Variants in NHS observed in about 807,000 individuals in gnomAD.
The protein encoded by NHS is NHS actin remodeling regulator.
A neutral mutation model predicts 72.5 loss-of-function variants in NHS; 5 were observed. The observed-to-expected ratio is 0.07, with a 90% CI of 0.04 to 0.14. NHS has a LOEUF of 0.14. Among genes scored for constraint, NHS ranks in the 10% least tolerant of loss-of-function variants. The pLI, the probability that NHS is intolerant of heterozygous loss-of-function variation, is 1.00. For synonymous variants in NHS, 464 were observed against 547.7 expected, an observed-to-expected ratio of 0.85 and a Z score of 2.13; for missense variants, 1,072 against 1,355.7, an observed-to-expected ratio of 0.79 and a Z score of 3.29.
chrX:17,675,606 A>G (rs2066074752), intron 1 of NHS, among the ~76,000 whole-genome samples: 1 of 111,646 alleles, frequency 9.0e-6, no homozygotes, highest in African/African-American at 3.3e-5. Context: ...TGCAAGATGA[A>G]CGTAGGACAC....
At chrX:17,518,515 C>G (rs1450675845) in intron 1 of NHS, among the ~76,000 whole-genome samples, 2 of 111,646 alleles carry the variant, frequency 1.8e-5, no homozygotes, top group African/African-American at 6.5e-5. Context: ...CTGAACACAC[C>G]AAGCAAGAGC....
chrX:17,437,944 G>C (rs1379097716), intron 1 of NHS, among the ~76,000 whole-genome samples: 1 of 111,984 alleles, frequency 8.9e-6, no homozygotes, highest in South Asian at 3.8e-4. Context: ...GCAAACGAGC[G>C]AGCTAGTGGT....
intron 3 of NHS, among the ~76,000 whole-genome samples, chrX:17,703,943 C>T (rs915500444): frequency 8.9e-6 from 1 of 111,748 alleles, no homozygotes; most frequent in African/African-American, 3.3e-5. Flanking sequence ...ATTGTGGTGG[C>T]AATGGTGTCC....
intron 1 of NHS, among the ~76,000 whole-genome samples, chrX:17,666,119 T>G (rs2066011550): frequency 1.8e-5 from 2 of 111,872 alleles, no homozygotes; most frequent in East Asian, 5.6e-4. Flanking sequence ...AGTGGAAGTT[T>G]TGGGTAAAGA....
chrX:17,592,487 T>C (rs1202835720), intron 1 of NHS, among the ~76,000 whole-genome samples: 1 of 111,862 alleles, frequency 8.9e-6, no homozygotes, highest in African/African-American at 3.3e-5. Flanking sequence ...TGGTTATATA[T>C]TTCTGTTTGC....
intron 3 of NHS, among the ~76,000 whole-genome samples, chrX:17,714,768 G>A (rs2066355095): frequency 8.9e-6 from 1 of 112,126 alleles, no homozygotes; most frequent in South Asian, 3.7e-4. Flanking sequence ...GTTCATATAA[G>A]TTTGATCAGC....
intron 1 of NHS, among the ~76,000 whole-genome samples, chrX:17,423,730 T>G (rs2064635666): frequency 8.9e-6 from 1 of 112,191 alleles, no homozygotes; most frequent in African/African-American, 3.2e-5. Flanking sequence ...GCAGGGATGT[T>G]GGGAGGATTA....
intron 1 of NHS, among the ~76,000 whole-genome samples, chrX:17,455,037 A>G (rs1470365273): frequency 9.0e-6 from 1 of 111,695 alleles, no homozygotes; most frequent in Non-Finnish European, 1.9e-5. Flanking sequence ...CCTTCTTTAC[A>G]TGGGTTTAAT....
chrX:17,482,124 A>G (rs767435269), intron 1 of NHS, among the ~76,000 whole-genome samples: 1 of 111,899 alleles, frequency 8.9e-6, no homozygotes, highest in African/African-American at 3.2e-5. Flanking sequence ...AATAATATTT[A>G]GCTCAAAGGT....
chrX:17,628,427 T>C (rs1223305287), intron 1 of NHS, among the ~76,000 whole-genome samples: 1 of 112,587 alleles, frequency 8.9e-6, no homozygotes, highest in Non-Finnish European at 1.9e-5. Context: ...AAGGAGAGCA[T>C]TGCATAAGGG....
chrX:17,663,501 C>A (rs1195629386), intron 1 of NHS, among the ~76,000 whole-genome samples: 1 of 111,779 alleles, frequency 8.9e-6, no homozygotes, highest in Non-Finnish European at 1.9e-5. Context: ...AAAAAATGTC[C>A]AGCCTTTTTC....
chrX:17,669,745 C>G (rs1243788047), intron 1 of NHS, among the ~76,000 whole-genome samples: 1 of 111,593 alleles, frequency 9.0e-6, no homozygotes, highest in Non-Finnish European at 1.9e-5. Context: ...GGCCTAACAA[C>G]CTTGGAGTCC....
rs1399030809 is a variant in NHS, at chrX:17,702,997, G to A, written c.852+10529G>A. 4.5e-5 allele frequency among the ~76,000 whole-genome samples: 5 copies of A among 110,666 alleles called. No homozygotes were observed. In the East Asian group the frequency reaches 1.4e-3, roughly 31 times the overall value. ...CTGAATAATTGTGTGGGTCAGGCAC[G>A]GTGGCTCATACCTGTAATCCCAACA... On this transcript the variant is annotated intron_variant, in intron 3 of 8. Transcript: ENST00000676302.
At chrX:17,514,428 C>T (rs1039439203) in intron 1 of NHS, among the ~76,000 whole-genome samples, 1 of 112,354 alleles carries the variant, frequency 8.9e-6, no homozygotes, top group African/African-American at 3.2e-5. Flanking sequence ...AAACATCAGA[C>T]TCCAAGCTCT....
chrX:17,639,447 C>A (rs186016398), intron 1 of NHS, among the ~76,000 whole-genome samples: 1 of 111,255 alleles, frequency 9.0e-6, no homozygotes, highest in African/African-American at 3.3e-5. Flanking sequence ...GTGGTTGCAT[C>A]TGGTTGGCTT....
At chrX:17,457,172 T>C (rs1447577535) in intron 1 of NHS, among the ~76,000 whole-genome samples, 1 of 112,442 alleles carries the variant, frequency 8.9e-6, no homozygotes, top group Non-Finnish European at 1.9e-5. Context: ...GCAGTTATCC[T>C]ATTATTTCCA....
chrX:17,688,922 G>A (rs2066179669), intron 2 of NHS, among the ~76,000 whole-genome samples: 1 of 112,124 alleles, frequency 8.9e-6, no homozygotes, highest in African/African-American at 3.2e-5. Flanking sequence ...ATCAGAAGGG[G>A]ACATGTCAGC....
intron 1 of NHS, among the ~76,000 whole-genome samples, chrX:17,460,660 T>C (rs1478331436): frequency 1.8e-5 from 2 of 112,455 alleles, no homozygotes; most frequent in East Asian, 5.6e-4. Flanking sequence ...ATTTGTCTTT[T>C]CTGGACAGCT....
At chrX:17,520,997 G>T (rs751065173) in intron 1 of NHS, among the ~76,000 whole-genome samples, 2 of 111,375 alleles carry the variant, frequency 1.8e-5, no homozygotes, top group Non-Finnish European at 3.8e-5. Flanking sequence ...AGGATGGCTG[G>T]CTCGCACGCA....
Sources: allele counts gnomAD v4.1 joint callset (sites outside exome capture counted in the v4.1 genomes callset), GRCh38; gene constraint gnomAD v4.1.1; transcripts MANE v1.5; gene names NCBI Gene and HGNC (gene_info 2026-07-23, HGNC 2026-07-21).